POLD2: variants seen among roughly 807,000 people sequenced by gnomAD.
POLD2 encodes the protein DNA polymerase delta subunit 2.
Under a neutral mutation model 48.8 loss-of-function variants are expected in POLD2, and 31 were observed. That is an observed-to-expected ratio of 0.64 (90% CI 0.48 to 0.86). The LOEUF (loss-of-function observed/expected upper bound fraction) is 0.86. Among genes scored for constraint, POLD2 ranks in the 40% least tolerant of loss-of-function variants. POLD2 has a pLI of 0.00. For synonymous variants in POLD2, 233 were observed against 256.3 expected, an observed-to-expected ratio of 0.91 and a Z score of 0.87; for missense variants, 455 against 610.1, an observed-to-expected ratio of 0.75 and a Z score of 2.68.
intron 1 of POLD2, chr7:44,123,304 T>C (rs2096250664): frequency 7.3e-7 from 1 of 1,365,066 alleles, no homozygotes; most frequent in Admixed American, 4.0e-5. Context: ...CGAACGTGCT[T>C]GATGGCGGCA....
intron 2 of POLD2, chr7:44,118,350 C>T (rs1460034266): frequency 3.6e-5 from 10 of 281,690 alleles, no homozygotes; most frequent in Admixed American, 9.8e-5. Context: ...ACGGGCAGAG[C>T]GGAGTGATGC....
chr7:44,117,278 G>A (rs1332373734), intron 4 of POLD2, 31 bp from the exon 5 acceptor site: 2 of 1,520,420 alleles, frequency 1.3e-6, no homozygotes, highest in Admixed American at 1.7e-5. Context: ...GCCTGAGCAG[G>A]GAGCCCCAGG....
In POLD2 at chr7:44,115,332, A is replaced by G. The variant is rs775017015; in HGVS notation, c.1212T>C (p.Cys404=). Residue 404 remains cysteine (C), a synonymous_variant, in exon 10 of 11, where the codon TGT becomes TGC. Coordinates refer to ENST00000610533, the MANE Select transcript of POLD2 (RefSeq NM_006230.4). ...TGGAGCCAAAGCTGGGGGTGTTGCCACAAAAGTAGACATGCGGGCACTCTG... is the reference window on the plus strand; with the variant it reads ...TGGAGCCAAAGCTGGGGGTGTTGCCGCAAAAGTAGACATGCGGGCACTCTG... The part of the protein sequence containing the change: ...IFPECPHVYF[C]GNTPSFGSKI... 1.2e-6 allele frequency: 2 copies of G among 1,613,998 alleles called. No individual in the cohort carries two copies. The highest frequency in any genetic ancestry group is 1.7e-5 in the Admixed American group (1 of 60,012).
rs1453688446 is a variant in POLD2 at position 44,123,423 on chromosome 7, A to G, written c.-57+88T>C. 26 of 1,469,776 alleles carry G rather than the reference A, an allele frequency of 1.8e-5. No individual in the cohort carries two copies. The East Asian group carries it at 7.7e-4, about 43-fold the overall frequency. The allele number at this position is 1,469,776 out of a possible 1,614,324, so 91.0% of individuals were successfully genotyped here. ...ACGCGGCAGCTGCGGGACGTCCGCC[A>G]AGACACCAGCCCACCGACCCAGGAG... On this transcript the variant is annotated intron_variant, in intron 1 of 10. Transcript: ENST00000610533.
chr7:44,124,239 G>T (rs75257662), upstream of POLD2: 5,755 of 151,120 alleles, frequency 0.038, 149 homozygotes, highest in South Asian at 0.058. Flanking sequence ...GTCTTTCTGA[G>T]TGCTGTCTCC....
chr7:44,116,474 C>G lies in POLD2; in HGVS notation c.817G>C (p.Val273Leu), dbSNP rs778303040. The part of the protein sequence containing the change: ...YLTKKTQAAS[V>L]EAVKMLDEIL... ...TCATCCAGCATCTTAACAGCCTCCA[C>G]GCTGGCTGCCTGGGTTTTCTTGGTG... The change falls in exon 7 of 11, where the codon GTG (valine) becomes CTG (leucine). Residue 273 changes from valine (V) to leucine (L), a missense_variant. This residue lies in a region of POLD2 where 349 missense variants were observed against 437.4 expected (regional missense o/e 0.80). Coordinates refer to ENST00000610533, the MANE Select transcript of POLD2 (RefSeq NM_006230.4). The surrounding 1 kb of genome is among the most constrained non-coding windows in gnomAD (Gnocchi z 6.1). The G allele has an allele frequency of 4.4e-6, 7 of 1,584,652 alleles. No individual in the cohort carries two copies. The highest frequency in any genetic ancestry group is 6.0e-6 in the Non-Finnish European group (7 of 1,164,648).
At chr7:44,119,412 T>C (rs2096245275) in intron 2 of POLD2, among the ~76,000 whole-genome samples, 1 of 151,992 alleles carries the variant, frequency 6.6e-6, no homozygotes, top group Non-Finnish European at 1.5e-5. Context: ...TCCTCAAATC[T>C]ACGCCCTAGG....
intron 4 of POLD2, 110 bp from the exon 5 acceptor site, chr7:44,117,357 T>G (rs1310230514): frequency 4.9e-6 from 4 of 817,452 alleles, no homozygotes; most frequent in Non-Finnish European, 8.1e-6. Flanking sequence ...ATTGGTGAAT[T>G]CTCACCTAGG....
intron 2 of POLD2, among the ~76,000 whole-genome samples, chr7:44,118,538 G>A (rs890182690): frequency 3.3e-5 from 5 of 152,150 alleles, no homozygotes; most frequent in African/African-American, 1.2e-4. Flanking sequence ...GTTTTGAGGC[G>A]GAGTCTCGCT....
upstream of POLD2, chr7:44,123,582 C>T (rs2096251396): frequency 4.8e-6 from 7 of 1,456,600 alleles, no homozygotes; most frequent in Non-Finnish European, 6.3e-6. Flanking sequence ...CTAATCCCCG[C>T]GCGGCTTCCC....
At chr7:44,117,461 C>G (rs2096241944) in intron 4 of POLD2, 158 bp downstream of exon 4, 2 of 945,488 alleles carry the variant, frequency 2.1e-6, no homozygotes, top group African/African-American at 3.3e-5. Context: ...ATCTGATGGC[C>G]TCCGACCGCC....
Position 44,117,151 on chromosome 7 carries a change from G to C in POLD2, c.563C>G (p.Pro188Arg). 4 of 1,613,964 alleles carry C rather than the reference G, an allele frequency of 2.5e-6. No homozygotes were observed. Among genetic ancestry groups the C allele is most frequent in the Non-Finnish European group, 3.4e-6 (4 of 1,179,854 alleles). The change falls in exon 5 of 11, where the codon CCC becomes CGC. Residue 188 changes from proline to arginine, a missense_variant. Physicochemically the swap from Pro to Arg is moderately radical, Grantham distance 103. Coordinates refer to ENST00000610533, the MANE Select transcript of POLD2 (RefSeq NM_006230.4). The stretch of plus-strand genomic sequence containing the variant: ...TGCTCACCTATCTGTGTCAAGTGGG[G>C]GTGCGGGCTTCTGGGGAGCAAGGTC... ...FADLAPQKPA[P>R]PLDTDRFVLL...
chr7:44,123,481 G>A lies in POLD2; in HGVS notation c.-57+30C>T, dbSNP rs929285516. The A allele has an allele frequency of 3.0e-4, 446 of 1,495,866 alleles. 1 individual carries two copies. The highest frequency in any genetic ancestry group is 3.6e-4 in the Non-Finnish European group (408 of 1,130,564). 92.7% of individuals were successfully genotyped at this position (1,495,866 alleles called of 1,614,324 possible). ...TCGCGGCCTGGAACTGCCACCCCCAGCTGACCCCGTTTCCCTGGACCCCAC... is the reference window on the plus strand; with the variant it reads ...TCGCGGCCTGGAACTGCCACCCCCAACTGACCCCGTTTCCCTGGACCCCAC... On this transcript the variant is annotated intron_variant, in intron 1 of 10. Coordinates refer to ENST00000610533, the MANE Select transcript of POLD2 (RefSeq NM_006230.4).
intron 5 of POLD2, 41 bp downstream of exon 5, chr7:44,117,092 T>A (rs2096241148): frequency 5.6e-6 from 9 of 1,610,384 alleles, no homozygotes; most frequent in Non-Finnish European, 7.6e-6. Context: ...AAGATTCCAC[T>A]GACCATGAGC....
At position 44,117,720 on chromosome 7, in the gene POLD2, G is replaced by A. The variant is rs745587647; in HGVS notation, c.365C>T (p.Pro122Leu). The change falls in exon 4 of 11, where the codon CCT (proline) becomes CTT (leucine). Residue 122 changes from proline to leucine, a missense_variant. Pro to Leu is a moderately conservative substitution (Grantham distance 98, BLOSUM62 -3). Around this residue, in one of 3 missense-constraint regions of POLD2, gnomAD observed 349 missense variants for 437.4 expected, o/e 0.80. Transcript: ENST00000610533. ...SEEHNLLPQP[P>L]RSKYIHPDDE... ...ATCTGGGTGTATGTATTTACTCCGA[G>A]GAGGCTGGGGGAGCAGGTTGTGCTG... 5.0e-6 allele frequency: 8 copies of A among 1,613,774 alleles called. No individual in the cohort carries two copies. The highest frequency in any genetic ancestry group is 6.8e-6 in the Non-Finnish European group (8 of 1,179,888).
chr7:44,123,715 CGGT>C, upstream of POLD2: 1 of 1,346,790 alleles, frequency 7.4e-7, no homozygotes, highest in Non-Finnish European at 9.5e-7. Context: ...GCCACACCCT[CGGT>C]TTCCTGGGCA....
At chr7:44,119,716 C>T (rs561164353) in intron 2 of POLD2, among the ~76,000 whole-genome samples, 3 of 152,352 alleles carry the variant, frequency 2.0e-5, no homozygotes, top group Non-Finnish European at 2.9e-5. Context: ...GACATGCTTC[C>T]ACCCAGGCAA....
At chr7:44,123,652 T>C, upstream of POLD2, 1 of 1,381,978 alleles carries the variant, frequency 7.2e-7, no homozygotes, top group Admixed American at 3.6e-5. Flanking sequence ...ACCAGGCGCC[T>C]CATCCCGCCG....
In POLD2 at chr7:44,115,804, C is replaced by T. The variant is rs1359684985; in HGVS notation, c.1109G>A (p.Arg370Gln). The change falls in exon 9 of 11, where the codon CGG (arginine) becomes CAG (glutamine). Residue 370 changes from arginine to glutamine, a missense_variant. By Grantham distance (43) the Arg-to-Gln change is conservative (BLOSUM62 1). Around this residue, in one of 3 missense-constraint regions of POLD2, gnomAD observed 98 missense variants for 138.6 expected, o/e 0.71. Coordinates refer to ENST00000610533, the MANE Select transcript of POLD2 (RefSeq NM_006230.4). Reference protein sequence around the residue: ...DHLEILEWTLRVRHISPTAPD... With the variant: ...DHLEILEWTLQVRHISPTAPD... ...GGCTGTGGGGCTGATGTGACGGACC[C>T]GCAGGGTCCACTCCAGGATCTCCAA... 2.2e-5 allele frequency: 36 copies of T among 1,614,072 alleles called. No homozygotes were observed. Among genetic ancestry groups the T allele is most frequent in the Admixed American group, 5.0e-5 (3 of 60,030 alleles).
Sources: gnomAD v4.1 joint callset for allele counts (sites outside exome capture counted in the v4.1 genomes callset) on GRCh38, gnomAD v4.1.1 for gene constraint, gnomAD v4.1.1 regional missense constraint, Gnocchi (gnomAD v3.1) non-coding constraint, MANE v1.5 for transcripts, NCBI Gene and HGNC (gene_info 2026-07-23, HGNC 2026-07-21) for gene names.